TAF4: variants seen among roughly 807,000 people sequenced by gnomAD.
TAF4 encodes TATA-box binding protein associated factor 4, also known as transcription initiation factor TFIID subunit 4.
TAF4 carries 9 observed loss-of-function variants against 90.3 expected under a neutral mutation model. That is an observed-to-expected ratio of 0.10 (90% CI 0.06 to 0.17). TAF4 has a LOEUF of 0.17. TAF4 is among the 10% of genes least tolerant of loss of function. The pLI, the probability that TAF4 is intolerant of heterozygous loss-of-function variation, is 1.00. For missense variants in TAF4, 1,351 were observed against 1,370.7 expected (o/e 0.99, Z 0.23); for synonymous variants, 818 against 638.9 (o/e 1.28, Z -4.23).
chr20:62,019,281 G>A (rs2055829375), intron 1 of TAF4, among the ~76,000 whole-genome samples: 1 of 152,222 alleles, frequency 6.6e-6, no homozygotes, highest in South Asian at 2.1e-4. Flanking sequence ...GAAGCCGTAA[G>A]GACCACGGAG....
intron 1 of TAF4, among the ~76,000 whole-genome samples, chr20:62,061,115 G>C (rs1338303267): frequency 6.6e-6 from 1 of 152,318 alleles, no homozygotes; most frequent in South Asian, 2.1e-4. Flanking sequence ...AAACTTTTAG[G>C]AATGTCCCTT....
intron 14 of TAF4, among the ~76,000 whole-genome samples, chr20:61,993,758 GTTTT>G (rs1244164110): frequency 6.6e-6 from 1 of 151,910 alleles, no homozygotes; most frequent in Non-Finnish European, 1.5e-5. Context: ...TTTTTTGTTT[GTTTT>G]TTGTTTTTGA....
chr20:61,987,456 G>A (rs548491094), intron 14 of TAF4, among the ~76,000 whole-genome samples: 3 of 152,348 alleles, frequency 2.0e-5, no homozygotes, highest in South Asian at 2.1e-4. Flanking sequence ...AAGAACTCCT[G>A]AAACTCAACA....
Position 62,006,124 on chromosome 20 carries a change from C to A in TAF4, c.2223+386G>T. 1 of 167,122 alleles carries A rather than the reference C, an allele frequency of 6.0e-6. No individual in the cohort carries two copies. The highest frequency in any genetic ancestry group is 1.3e-5 in the Non-Finnish European group (1 of 78,378). 10.4% of individuals were successfully genotyped at this position (167,122 alleles called of 1,614,324 possible). A position where few individuals can be genotyped will look rare whatever the true frequency, so the allele number is the denominator to read the frequency against. ...TGTGAGCTGCTACCCTGCCTCCAGT[C>A]TCCTGCCCACCTGTCCCACGCAGGT... On this transcript the variant is annotated intron_variant, in intron 7 of 14. Transcript: ENST00000252996. This position sits in a 1 kb window ranked among gnomAD's most constrained non-coding sequence, Gnocchi z 7.0.
At chr20:61,981,427 G>C (rs1381492734) in intron 14 of TAF4, 1 of 152,126 alleles carries the variant, frequency 6.6e-6, no homozygotes, top group South Asian at 2.1e-4. Context: ...AAAACTAGGA[G>C]ACAAATTTTT....
rs149463917 is a variant in TAF4 at position 62,015,154 on chromosome 20, G to T, written c.1361-447C>A. Among the ~76,000 whole-genome samples, 903 of 152,290 alleles carry T rather than the reference G, an allele frequency of 5.9e-3. 12 individuals carry two copies. Among genetic ancestry groups the T allele is most frequent in the African/African-American group, 0.021 (856 of 41,564 alleles). On this transcript the variant is annotated intron_variant, in intron 1 of 14. Coordinates refer to ENST00000252996, the MANE Select transcript of TAF4 (RefSeq NM_003185.4). The stretch of plus-strand genomic sequence containing the variant: ...ATACTCCAGGGTCTCCCAGCCTGCT[G>T]TCCTGTGACACCCAGACCCAACAGA...
chr20:61,991,034 G>A (rs180747885), intron 14 of TAF4, among the ~76,000 whole-genome samples: 19 of 152,206 alleles, frequency 1.2e-4, no homozygotes, highest in African/African-American at 4.1e-4. Context: ...GAAGACCTCA[G>A]AAACACATAC....
Position 62,006,688 on chromosome 20 carries a change from GGCT to G in TAF4, c.2042_2044del (p.Gln681del). 6.3e-7 allele frequency: 1 copy of G among 1,592,036 alleles called. No individual in the cohort carries two copies. The highest frequency in any genetic ancestry group is 8.6e-7 in the Non-Finnish European group (1 of 1,165,704). ...GGTGGCCTGCGAGGTGGGCGGTGGCGGCTGCTGCTGGCTCTGCTGGATGAAGGC... is the reference window on the plus strand; with the variant it reads ...GGTGGCCTGCGAGGTGGGCGGTGGCGGCTGCTGGCTCTGCTGGATGAAGGC... On this transcript the variant is annotated inframe_deletion, in exon 7 of 15. Coordinates refer to ENST00000252996, the MANE Select transcript of TAF4 (RefSeq NM_003185.4). The surrounding 1 kb of genome is among the most constrained non-coding windows in gnomAD (Gnocchi z 7.0).
rs191312663 is a variant in TAF4, at chr20:62,001,897, A to T, written c.2487-1176T>A. Among the ~76,000 whole-genome samples, 8 of 152,256 alleles carry T rather than the reference A, an allele frequency of 5.3e-5. No homozygotes were observed. In the East Asian group the frequency reaches 1.5e-3, roughly 29 times the overall value. ...TTTAGTGGAAAACGGTTTTTAGAAGACAACATCTGAACACTAGGTGTGCTC... is the reference window on the plus strand; with the variant it reads ...TTTAGTGGAAAACGGTTTTTAGAAGTCAACATCTGAACACTAGGTGTGCTC... On this transcript the variant is annotated intron_variant, in intron 9 of 14. Transcript: ENST00000252996.
At chr20:61,995,142 G>C (rs1382179331) in intron 14 of TAF4, among the ~76,000 whole-genome samples, 2 of 152,184 alleles carry the variant, frequency 1.3e-5, no homozygotes, top group East Asian at 3.9e-4. Flanking sequence ...AGATCACAGA[G>C]TCCAGTCTCT....
chr20:62,010,138 G>C lies in TAF4; in HGVS notation c.1669C>G (p.Gln557Glu). 1 of 1,613,908 alleles carries C rather than the reference G, an allele frequency of 6.2e-7. No homozygotes were observed. Among genetic ancestry groups the C allele is most frequent in the Non-Finnish European group, 8.5e-7 (1 of 1,180,018 alleles). ...QPQLVLGGAA[Q>E]TASLGTATAV... ...GTCGCCGTCCCAAGTGAAGCCGTCT[G>C]GGCAGCGCCACCCAGAACGAGCTGA... The change falls in exon 4 of 15, where the codon CAG becomes GAG. Residue 557 changes from glutamine to glutamate, a missense_variant. Gln to Glu is a conservative substitution (Grantham distance 29, BLOSUM62 2). Around this residue, in one of 9 missense-constraint regions of TAF4, gnomAD observed 143 missense variants for 176.3 expected, o/e 0.81. Coordinates refer to ENST00000252996, the MANE Select transcript of TAF4 (RefSeq NM_003185.4). The surrounding 1 kb of genome is among the most constrained non-coding windows in gnomAD (Gnocchi z 4.5).
At chr20:62,053,074 C>T (rs1331696434) in intron 1 of TAF4, among the ~76,000 whole-genome samples, 2 of 152,178 alleles carry the variant, frequency 1.3e-5, no homozygotes, top group Admixed American at 6.5e-5. Context: ...CGCCCACAAC[C>T]TCCAAGGCAC....
rs976735947 is a variant in TAF4, at chr20:62,052,475, G to A, written c.1360+11976C>T. 3.3e-5 allele frequency among the ~76,000 whole-genome samples: 5 copies of A among 151,972 alleles called. No homozygotes were observed. In the East Asian group the frequency reaches 7.7e-4, roughly 24 times the overall value. On this transcript the variant is annotated intron_variant, in intron 1 of 14. Coordinates refer to ENST00000252996, the MANE Select transcript of TAF4 (RefSeq NM_003185.4). The stretch of plus-strand genomic sequence containing the variant: ...CAGCCGCCTCCAGTCAGCTGAGATC[G>A]ACAAACCCCAGGGTGCCCTGCCCCG...
chr20:62,042,168 G>T (rs1401380557), intron 1 of TAF4, among the ~76,000 whole-genome samples: 1 of 152,150 alleles, frequency 6.6e-6, no homozygotes, highest in Non-Finnish European at 1.5e-5. Flanking sequence ...AAGCTCCACT[G>T]ACGAGAGCAA....
At chr20:62,055,079 C>T (rs1054416419) in intron 1 of TAF4, among the ~76,000 whole-genome samples, 3 of 152,248 alleles carry the variant, frequency 2.0e-5, no homozygotes, top group African/African-American at 7.2e-5. Flanking sequence ...AAATTATGCC[C>T]TATCCAGCTT....
Position 62,035,755 on chromosome 20 carries a change from G to T in TAF4, c.1361-21048C>A, listed in dbSNP as rs565036917. On this transcript the variant is annotated intron_variant, in intron 1 of 14. Transcript: ENST00000252996. ...CCTATTCGTCAGAAGACACCATAAAGAAAGTGAAAAGATCAGATATAAACT... is the reference window on the plus strand; with the variant it reads ...CCTATTCGTCAGAAGACACCATAAATAAAGTGAAAAGATCAGATATAAACT... 3.3e-5 allele frequency among the ~76,000 whole-genome samples: 5 copies of T among 152,234 alleles called. No individual in the cohort carries two copies. The East Asian group carries it at 9.7e-4, about 29-fold the overall frequency.
In TAF4 at chr20:62,064,696, C is replaced by T. The variant is rs1219686387; in HGVS notation, c.1115G>A (p.Ser372Asn). 15 of 1,253,908 alleles carry T rather than the reference C, an allele frequency of 1.2e-5. No homozygotes were observed. The highest frequency in any genetic ancestry group is 3.2e-4 in the Middle Eastern group (1 of 3,110). 77.7% of individuals were successfully genotyped at this position (1,253,908 alleles called of 1,614,324 possible). ...TTGCATAGTTGGCCCGATGACCATG[C>T]TGGCCGCCGTGCTGGCCGGGCCGCT... ...AASGPASTAA[S>N]MVIGPTMQGA... is the part of the protein sequence containing the mutation. Residue 372 changes from serine (S) to asparagine (N), a missense_variant, in exon 1 of 15, where the codon AGC (serine) becomes AAC (asparagine). Ser to Asn is a conservative substitution (Grantham distance 46, BLOSUM62 1). This residue lies in a region of TAF4 where 782 missense variants were observed against 536.6 expected (regional missense o/e 1.46). Transcript: ENST00000252996.
Position 62,006,609 on chromosome 20 carries a change from C to T in TAF4, c.2124G>A (p.Lys708=). Residue 708 remains lysine (K), a synonymous_variant, in exon 7 of 15, where the codon AAG becomes AAA. Coordinates refer to ENST00000252996, the MANE Select transcript of TAF4 (RefSeq NM_003185.4). This position sits in a 1 kb window ranked among gnomAD's most constrained non-coding sequence, Gnocchi z 7.0. Reference sequence around the variant, plus strand: ...GGGCACTGGTCACGGTGGCCGCCGTCTTCCCGGCCGTGCGCTGGACCGAGC... The same window carrying T: ...GGGCACTGGTCACGGTGGCCGCCGTTTTCCCGGCCGTGCGCTGGACCGAGC... ...LSSSVQRTAG[K]TAATVTSALQ... is the part of the protein sequence containing the mutation. The T allele has an allele frequency of 6.2e-7, 1 of 1,600,350 alleles. No individual in the cohort carries two copies. Among genetic ancestry groups the T allele is most frequent in the Non-Finnish European group, 8.5e-7 (1 of 1,173,940 alleles).
chr20:61,998,923 C>A, intron 12 of TAF4, 60 bp downstream of exon 12: 1 of 1,595,068 alleles, frequency 6.3e-7, no homozygotes, highest in South Asian at 1.1e-5. Context: ...TCAGTGAGCT[C>A]ATCAGGTTGT....
Sources: gnomAD v4.1 joint callset for allele counts (sites outside exome capture counted in the v4.1 genomes callset) on GRCh38, gnomAD v4.1.1 for gene constraint, gnomAD v4.1.1 regional missense constraint, Gnocchi (gnomAD v3.1) non-coding constraint, MANE v1.5 for transcripts, NCBI Gene and HGNC (gene_info 2026-07-23, HGNC 2026-07-21) for gene names.